Variants in RPS6KB1 observed in about 807,000 individuals in gnomAD.
The protein encoded by RPS6KB1 is ribosomal protein S6 kinase B1.
In RPS6KB1, 12 loss-of-function variants were observed where a neutral mutation model predicts 70.2. The ratio of observed to expected loss-of-function variants is 0.17; its 90% CI spans 0.11 to 0.28. The LOEUF (loss-of-function observed/expected upper bound fraction) is 0.28. RPS6KB1 is among the 10% of genes least tolerant of loss of function. RPS6KB1 has a pLI of 1.00. For synonymous variants in RPS6KB1, 175 were observed against 211.2 expected, an observed-to-expected ratio of 0.83 and a Z score of 1.49; for missense variants, 270 against 646.6, an observed-to-expected ratio of 0.42 and a Z score of 6.32.
chr17:59,897,464 AT>A (rs2041631431), intron 1 of RPS6KB1, among the ~76,000 whole-genome samples: 1 of 152,168 alleles, frequency 6.6e-6, no homozygotes, highest in Non-Finnish European at 1.5e-5. Context: ...GAGGTGCTGT[AT>A]TTTTACAACT....
At chr17:59,917,734 GC>G (rs2043040093) in intron 4 of RPS6KB1, among the ~76,000 whole-genome samples, 1 of 152,128 alleles carries the variant, frequency 6.6e-6, no homozygotes, top group Non-Finnish European at 1.5e-5. Context: ...ACTGTGCCCA[GC>G]CTATTTTTAT....
At chr17:59,909,331 G>A (rs1342612253) in intron 1 of RPS6KB1, among the ~76,000 whole-genome samples, 9 of 129,584 alleles carry the variant, frequency 6.9e-5, no homozygotes, top group African/African-American at 2.7e-4. Context: ...GCAGTGGCGT[G>A]ATCTCGGCTC....
At chr17:59,898,033 G>A (rs943256030) in intron 1 of RPS6KB1, among the ~76,000 whole-genome samples, 4 of 152,010 alleles carry the variant, frequency 2.6e-5, no homozygotes, top group Non-Finnish European at 5.9e-5. Context: ...TGGTAAGAGG[G>A]GAGTTTTTGG....
intron 5 of RPS6KB1, among the ~76,000 whole-genome samples, chr17:59,929,476 C>A (rs900616763): frequency 6.6e-6 from 1 of 152,170 alleles, no homozygotes; most frequent in African/African-American, 2.4e-5. Context: ...TTTCTTATTC[C>A]GTCACGTCTT....
intron 12 of RPS6KB1, 93 bp downstream of exon 12, chr17:59,936,634 C>A: frequency 2.0e-6 from 2 of 1,019,184 alleles, no homozygotes; most frequent in Non-Finnish European, 3.1e-6. Flanking sequence ...TTGTTTGAGG[C>A]CAGGAGTTCA....
intron 4 of RPS6KB1, among the ~76,000 whole-genome samples, chr17:59,915,829 A>G (rs1195740931): frequency 9.1e-6 from 1 of 110,320 alleles, no homozygotes; most frequent in Non-Finnish European, 1.7e-5. Context: ...CTTGTTGCCC[A>G]GGCTGGAGTG....
At chr17:59,937,532 G>A (rs1020456902) in intron 12 of RPS6KB1, among the ~76,000 whole-genome samples, 1 of 152,124 alleles carries the variant, frequency 6.6e-6, no homozygotes, top group Non-Finnish European at 1.5e-5. Context: ...CTCTCCCCTG[G>A]CTTCTGGTGG....
chr17:59,895,609 AC>A (rs974614860), intron 1 of RPS6KB1, among the ~76,000 whole-genome samples: 1 of 151,486 alleles, frequency 6.6e-6, no homozygotes, highest in Admixed American at 6.6e-5. Flanking sequence ...GGTGTGAGCC[AC>A]CCCACCAGGC....
At chr17:59,918,542 G>C (rs1458226135) in intron 4 of RPS6KB1, among the ~76,000 whole-genome samples, 1 of 151,722 alleles carries the variant, frequency 6.6e-6, no homozygotes, top group Non-Finnish European at 1.5e-5. Context: ...GCTAATTTTT[G>C]TATTTTTAGC....
At chr17:59,914,526 A>C in intron 3 of RPS6KB1, 109 bp from the exon 4 acceptor site, 3 of 814,850 alleles carry the variant, frequency 3.7e-6, no homozygotes, top group East Asian at 4.9e-5. Context: ...TTTTGCACAT[A>C]GTTTTTATAA....
Position 59,946,374 on chromosome 17 carries a change from C to A in RPS6KB1, c.1341-177C>A, listed in dbSNP as rs1364840029. Among the ~76,000 whole-genome samples the A allele has an allele frequency of 6.6e-6, 1 of 152,032 alleles. No individual in the cohort carries two copies. Among genetic ancestry groups the A allele is most frequent in the African/African-American group, 2.4e-5 (1 of 41,372 alleles). On this transcript the variant is annotated intron_variant, in intron 14 of 14. Transcript: ENST00000225577. The surrounding 1 kb of genome is among the most constrained non-coding windows in gnomAD (Gnocchi z 4.2). The stretch of plus-strand genomic sequence containing the variant: ...AAAGAGACCAGTTAGGAAATTCTAG[C>A]AGTTAATCTAGGTGGGGGAGAGATG...
chr17:59,893,816 G>A lies in RPS6KB1; in HGVS notation c.141+491G>A. 1.0e-6 allele frequency: 1 copy of A among 986,604 alleles called. No individual in the cohort carries two copies. The allele number at this position is 986,604 out of a possible 1,614,324, so 61.1% of individuals were successfully genotyped here. On this transcript the variant is annotated intron_variant, in intron 1 of 14. Transcript: ENST00000225577. The surrounding 1 kb of genome is among the most constrained non-coding windows in gnomAD (Gnocchi z 4.1). ...CCTAGGAAGCGCTCAGCTGTTAGAA[G>A]TGACAGCTGAAAACTTCTGTCGGGA...
chr17:59,900,225 CACA>C (rs1475214221), intron 1 of RPS6KB1, among the ~76,000 whole-genome samples: 5 of 142,538 alleles, frequency 3.5e-5, no homozygotes, highest in East Asian at 2.0e-4. Flanking sequence ...CACACACACA[CACA>C]CACCCCTATG....
intron 4 of RPS6KB1, among the ~76,000 whole-genome samples, chr17:59,915,773 A>ATG (rs1157185738): frequency 2.3e-5 from 2 of 86,220 alleles, no homozygotes; most frequent in African/African-American, 1.3e-4. Context: ...GCCTACTGCT[A>ATG]TCTTTTTTTT....
intron 4 of RPS6KB1, among the ~76,000 whole-genome samples, chr17:59,919,684 G>C (rs1275675639): frequency 6.6e-6 from 1 of 151,802 alleles, no homozygotes; most frequent in Non-Finnish European, 1.5e-5. Flanking sequence ...TTGTCCCGGG[G>C]AATTTAACTC....
intron 4 of RPS6KB1, among the ~76,000 whole-genome samples, chr17:59,922,927 T>C (rs1477982693): frequency 2.0e-5 from 3 of 149,960 alleles, no homozygotes; most frequent in Non-Finnish European, 4.4e-5. Flanking sequence ...AGTGCAACGA[T>C]GTGGTCTTGG....
chr17:59,941,946 C>G (rs1234535366), intron 13 of RPS6KB1, among the ~76,000 whole-genome samples: 1 of 151,700 alleles, frequency 6.6e-6, no homozygotes, highest in African/African-American at 2.4e-5. Flanking sequence ...GCAAGCTCCA[C>G]CTCCCGGGTT....
intron 1 of RPS6KB1, among the ~76,000 whole-genome samples, chr17:59,905,092 C>T (rs1416836244): frequency 6.6e-6 from 1 of 152,080 alleles, no homozygotes; most frequent in African/African-American, 2.4e-5. Context: ...TTTTGGCTCA[C>T]TGCAGCCTTG....
In RPS6KB1 at chr17:59,910,581, T is replaced by C; in HGVS notation, c.161T>C (p.Met54Thr). The change falls in exon 2 of 15, where the codon ATG (methionine) becomes ACG (threonine). Residue 54 changes from methionine to threonine, a missense_variant. Met to Thr is a moderately conservative substitution (Grantham distance 81). This residue lies in a region of RPS6KB1 where 72 missense variants were observed against 93.4 expected (regional missense o/e 0.77). Coordinates refer to ENST00000225577, the MANE Select transcript of RPS6KB1 (RefSeq NM_003161.4). ...LEEGGQLNESMDHGGVGPYEL... is the reference protein window; with the variant it reads ...LEEGGQLNESTDHGGVGPYEL... ...TTTCAGGGTCAGTTAAATGAAAGCA[T>C]GGACCATGGGGGAGTTGGACCATAT... is the stretch of plus-strand genomic sequence containing the variant. The C allele has an allele frequency of 6.3e-7, 1 of 1,592,778 alleles. No homozygotes were observed. Among genetic ancestry groups the C allele is most frequent in the East Asian group, 2.2e-5 (1 of 44,540 alleles).
Sources: allele counts gnomAD v4.1 joint callset (sites outside exome capture counted in the v4.1 genomes callset), GRCh38; gene constraint gnomAD v4.1.1; regional missense constraint gnomAD v4.1.1; non-coding constraint Gnocchi (gnomAD v3.1); transcripts MANE v1.5; gene names NCBI Gene and HGNC (gene_info 2026-07-23, HGNC 2026-07-21).